The following GLI2 variants were observed in gnomAD, a reference collection of about 807,000 sequenced individuals.
The protein encoded by GLI2 is GLI family zinc finger 2, also known as transcription activator GLI2.
GLI2 carries 22 observed loss-of-function variants against 78.9 expected under a neutral mutation model. That is an observed-to-expected ratio of 0.28 (90% CI 0.20 to 0.40). GLI2 has a LOEUF of 0.40. GLI2 is among the 10% of genes least tolerant of loss of function. The pLI, the probability that GLI2 is intolerant of heterozygous loss-of-function variation, is 1.00. For synonymous variants in GLI2, 974 were observed against 963.7 expected (o/e 1.01, Z -0.20); for missense variants, 2,097 against 2,213.2 (o/e 0.95, Z 1.05).
chr2:120,839,805 C>T (rs941149534), intron 2 of GLI2, among the ~76,000 whole-genome samples: 3 of 152,236 alleles, frequency 2.0e-5, no homozygotes, highest in Non-Finnish European at 4.4e-5. Flanking sequence ...TCAAGTAATC[C>T]ACCTGCCTTG....
At chr2:120,946,187 T>C (rs952270988) in intron 3 of GLI2, among the ~76,000 whole-genome samples, 3 of 152,072 alleles carry the variant, frequency 2.0e-5, no homozygotes, top group African/African-American at 7.2e-5. Flanking sequence ...AATTACCTGA[T>C]TTCATGGGTC....
chr2:120,972,148 G>A (rs952321294), intron 8 of GLI2, 85 bp downstream of exon 8: 24 of 1,490,804 alleles, frequency 1.6e-5, no homozygotes, highest in Middle Eastern at 2.3e-4. Flanking sequence ...GGTGGTGAAC[G>A]GATGGCTGGC....
chr2:120,741,718 G>T (rs1054638877), intron 1 of GLI2, among the ~76,000 whole-genome samples: 2 of 151,994 alleles, frequency 1.3e-5, no homozygotes, highest in Non-Finnish European at 2.9e-5. Flanking sequence ...GGCGCCGACC[G>T]TGCCGCGGCC....
At chr2:120,862,854 C>T (rs948248677) in intron 2 of GLI2, among the ~76,000 whole-genome samples, 2 of 152,192 alleles carry the variant, frequency 1.3e-5, no homozygotes, top group Non-Finnish European at 2.9e-5. Context: ...GCTAATAGGG[C>T]TGGTGGCAAA....
At chr2:120,956,843 G>A (rs1022063673) in intron 5 of GLI2, among the ~76,000 whole-genome samples, 2 of 152,094 alleles carry the variant, frequency 1.3e-5, no homozygotes, top group Non-Finnish European at 2.9e-5. Flanking sequence ...GACTCAGGGT[G>A]GGCTGCTGCC....
At chr2:120,924,031 C>T (rs1020208111) in intron 2 of GLI2, among the ~76,000 whole-genome samples, 1 of 152,178 alleles carries the variant, frequency 6.6e-6, no homozygotes, top group Non-Finnish European at 1.5e-5. Flanking sequence ...CATGTCAGCT[C>T]ATAGCTGGGG....
intron 1 of GLI2, among the ~76,000 whole-genome samples, chr2:120,779,006 A>T (rs1683761858): frequency 6.6e-6 from 1 of 152,186 alleles, no homozygotes. Context: ...TGGCTGACTC[A>T]GGAGCCAGGC....
At chr2:120,882,815 C>G (rs1441431643) in intron 2 of GLI2, among the ~76,000 whole-genome samples, 1 of 151,978 alleles carries the variant, frequency 6.6e-6, no homozygotes, top group East Asian at 1.9e-4. Context: ...TTTTGTCTAT[C>G]TTAAAATCAG....
At chr2:120,854,545 C>A (rs1003194589) in intron 2 of GLI2, among the ~76,000 whole-genome samples, 1 of 152,140 alleles carries the variant, frequency 6.6e-6, no homozygotes, top group Non-Finnish European at 1.5e-5. Context: ...CCTTTGGAAC[C>A]CTGAGGGGCT....
At chr2:120,932,980 G>C (rs1680016318) in intron 3 of GLI2, among the ~76,000 whole-genome samples, 1 of 152,272 alleles carries the variant, frequency 6.6e-6, no homozygotes, top group East Asian at 1.9e-4. Context: ...ACCAGGAGCA[G>C]CGGGGAGTGG....
At chr2:120,826,099 A>G (rs1037924769) in intron 2 of GLI2, among the ~76,000 whole-genome samples, 7 of 151,814 alleles carry the variant, frequency 4.6e-5, no homozygotes, top group African/African-American at 1.7e-4. Flanking sequence ...CTGTCCAGAG[A>G]CAGCTGCGAG....
intron 6 of GLI2, among the ~76,000 whole-genome samples, chr2:120,969,260 T>C (rs1474315732): frequency 6.6e-6 from 1 of 152,238 alleles, no homozygotes; most frequent in Admixed American, 6.5e-5. Flanking sequence ...AAATGTGACA[T>C]TGACATGGCC....
intron 3 of GLI2, among the ~76,000 whole-genome samples, chr2:120,933,955 T>C (rs1238850917): frequency 6.6e-6 from 1 of 151,262 alleles, no homozygotes; most frequent in Non-Finnish European, 1.5e-5. Flanking sequence ...AACTGCCCCA[T>C]GCAGAGGTTC....
intron 5 of GLI2, among the ~76,000 whole-genome samples, chr2:120,965,026 G>C (rs1378605679): frequency 6.6e-6 from 1 of 152,258 alleles, no homozygotes; most frequent in Non-Finnish European, 1.5e-5. Context: ...AAATGAGTCA[G>C]TGGATCTAAG....
intron 2 of GLI2, among the ~76,000 whole-genome samples, chr2:120,834,456 G>A (rs72971953): frequency 0.029 from 4,483 of 152,272 alleles, 217 homozygotes; most frequent in African/African-American, 0.1. Context: ...CTCCCAGAGT[G>A]TAGAGCCAGG....
At chr2:120,860,032 C>T (rs1454294841) in intron 2 of GLI2, among the ~76,000 whole-genome samples, 1 of 152,194 alleles carries the variant, frequency 6.6e-6, no homozygotes, top group Non-Finnish European at 1.5e-5. Flanking sequence ...CGTGTAGAAA[C>T]ACAAGCCTTG....
chr2:120,890,330 G>A (rs1358365254), intron 2 of GLI2, among the ~76,000 whole-genome samples: 3 of 152,198 alleles, frequency 2.0e-5, no homozygotes, highest in Non-Finnish European at 4.4e-5. Context: ...GGAGAGGAGG[G>A]CAGCAGAAGG....
At chr2:120,792,029 G>T (rs980075320) in intron 1 of GLI2, among the ~76,000 whole-genome samples, 4 of 152,180 alleles carry the variant, frequency 2.6e-5, no homozygotes, top group Non-Finnish European at 4.4e-5. Flanking sequence ...GTGGCTCTGT[G>T]GTGGCTGTGA....
chr2:120,767,344 GC>G (rs1460167549), intron 1 of GLI2, among the ~76,000 whole-genome samples: 38 of 151,860 alleles, frequency 2.5e-4, no homozygotes, highest in African/African-American at 8.9e-4. Flanking sequence ...GGTGCTGGTG[GC>G]CGGAGTCTGG....
Sources: allele counts gnomAD v4.1 joint callset (sites outside exome capture counted in the v4.1 genomes callset), GRCh38; gene constraint gnomAD v4.1.1; transcripts MANE v1.5; gene names NCBI Gene and HGNC (gene_info 2026-07-23, HGNC 2026-07-21).